Variants in PRKN observed in about 807,000 individuals in gnomAD.
The protein encoded by PRKN is parkin RBR E3 ubiquitin protein ligase.
Under a neutral mutation model 59.5 loss-of-function variants are expected in PRKN, and 56 were observed. The ratio of observed to expected loss-of-function variants is 0.94; its 90% CI spans 0.76 to 1.18. The LOEUF (loss-of-function observed/expected upper bound fraction) is 1.18, where lower values mean the gene tolerates loss of function less well. PRKN is among the 50% of genes most tolerant of loss of function. The pLI is 0.00. For missense variants in PRKN, 657 were observed against 596.4 expected (o/e 1.10, Z -1.06); for synonymous variants, 250 against 222.1 (o/e 1.13, Z -1.12).
Position 162,629,444 on chromosome 6 carries a change from T to C in PRKN, c.7+98218A>G, listed in dbSNP as rs573635423. 2.6e-5 allele frequency among the ~76,000 whole-genome samples: 4 copies of C among 151,554 alleles called. No homozygotes were observed. In the South Asian group the frequency reaches 6.2e-4, roughly 24 times the overall value. On this transcript the variant is annotated intron_variant, in intron 1 of 11. Coordinates refer to ENST00000366898, the MANE Select transcript of PRKN (RefSeq NM_004562.3). ...ATTTTATTCCTCTCTTCATACATTT[T>C]TGTTTTAACTATGTACAAAACAAGT...
intron 1 of PRKN, among the ~76,000 whole-genome samples, chr6:162,671,368 G>A (rs567579953): frequency 4.6e-5 from 7 of 151,948 alleles, no homozygotes; most frequent in East Asian, 3.9e-4. Flanking sequence ...GTGTGGTGGC[G>A]CGCGCCTGTA....
At chr6:162,373,209 G>A (rs933792736) in intron 2 of PRKN, among the ~76,000 whole-genome samples, 3 of 152,170 alleles carry the variant, frequency 2.0e-5, no homozygotes, top group Non-Finnish European at 4.4e-5. Context: ...CTTCAACGGA[G>A]CTTTCATGTA....
intron 2 of PRKN, among the ~76,000 whole-genome samples, chr6:162,359,245 G>C (rs1231704918): frequency 3.3e-5 from 5 of 151,808 alleles, no homozygotes. Flanking sequence ...GGAGGTGACT[G>C]ATTGAATAAA....
At position 162,680,199 on chromosome 6, in the gene PRKN, GAAGAA is replaced by G. The variant is rs566240217; in HGVS notation, c.7+47458_7+47462del. Among the ~76,000 whole-genome samples the G allele has an allele frequency of 1.2e-3, 177 of 150,496 alleles. 1 individual carries two copies. The highest frequency in any genetic ancestry group is 4.1e-3 in the African/African-American group (167 of 41,104). ...ATATATATACTAAATAATATTTGAG[GAAGAA>G]AAGAAATATATGTTTATATGTACTA... On this transcript the variant is annotated intron_variant, in intron 1 of 11. Coordinates refer to ENST00000366898, the MANE Select transcript of PRKN (RefSeq NM_004562.3).
At chr6:161,718,771 GCTTTTAAATCT>G (rs1364283256) in intron 7 of PRKN, among the ~76,000 whole-genome samples, 10 of 152,166 alleles carry the variant, frequency 6.6e-5, no homozygotes, top group African/African-American at 2.4e-4. Context: ...GGTGCAACTG[GCTTTTAAATCT>G]TCCTCCCGTT....
chr6:161,662,575 G>A (rs933936384), intron 7 of PRKN, among the ~76,000 whole-genome samples: 2 of 151,998 alleles, frequency 1.3e-5, no homozygotes, highest in African/African-American at 2.4e-5. Context: ...ACAGTGGCAC[G>A]TGGCAGTGGC....
intron 6 of PRKN, among the ~76,000 whole-genome samples, chr6:161,958,740 C>T (rs1436633057): frequency 1.3e-5 from 2 of 151,830 alleles, no homozygotes; most frequent in African/African-American, 4.8e-5. Flanking sequence ...ATTAGCTGGG[C>T]GTGGTGGTGG....
At chr6:162,620,074 G>A (rs1782601082) in intron 1 of PRKN, among the ~76,000 whole-genome samples, 1 of 151,746 alleles carries the variant, frequency 6.6e-6, no homozygotes, top group South Asian at 2.1e-4. Context: ...CTTTGCACGT[G>A]CATTCTGCTT....
intron 7 of PRKN, among the ~76,000 whole-genome samples, chr6:161,644,594 C>A (rs1320063053): frequency 6.6e-6 from 1 of 152,180 alleles, no homozygotes; most frequent in Non-Finnish European, 1.5e-5. Context: ...GGCGCCTGAC[C>A]TAGGCACTGC....
At chr6:161,708,217 G>A (rs976965057) in intron 7 of PRKN, among the ~76,000 whole-genome samples, 12 of 152,132 alleles carry the variant, frequency 7.9e-5, no homozygotes, top group African/African-American at 2.9e-4. Context: ...TATGTTTTTA[G>A]AAGCTTGTGA....
At chr6:161,850,706 A>G (rs545953428) in intron 6 of PRKN, among the ~76,000 whole-genome samples, 1 of 152,306 alleles carries the variant, frequency 6.6e-6, no homozygotes, top group Admixed American at 6.5e-5. Context: ...TTGAGACAAT[A>G]AGGGACTCAG....
chr6:162,497,069 A>G (rs989837451), intron 1 of PRKN, among the ~76,000 whole-genome samples: 4 of 152,206 alleles, frequency 2.6e-5, no homozygotes, highest in Middle Eastern at 3.2e-3. Flanking sequence ...TGTAATGGCT[A>G]ATTGTATAAA....
chr6:162,387,234 CAAAAAAAAA>C (rs34452454), intron 2 of PRKN, among the ~76,000 whole-genome samples: 3 of 101,216 alleles, frequency 3.0e-5, no homozygotes, highest in Non-Finnish European at 6.3e-5. Flanking sequence ...AAAAAATAAG[CAAAAAAAAA>C]AAAAAAAAAA....
chr6:162,051,495 C>T (rs182809610), intron 5 of PRKN, among the ~76,000 whole-genome samples: 28 of 152,296 alleles, frequency 1.8e-4, no homozygotes, highest in African/African-American at 6.7e-4. Flanking sequence ...GCACGCGCCT[C>T]CGCATCCTCG....
chr6:161,778,780 G>T (rs1053258222), intron 7 of PRKN, among the ~76,000 whole-genome samples: 5 of 152,170 alleles, frequency 3.3e-5, no homozygotes, highest in Non-Finnish European at 7.3e-5. Context: ...CCATCGTGTT[G>T]TCAGGGGCTG....
rs1241620278 is a variant in PRKN, at chr6:161,503,623, G to A, written c.1083+45231C>T. ...GCTATGGGGGCGACCTAGTCTAGCT[G>A]GGTTCTAAGGCAGTTGCTCTGCCCC... On this transcript the variant is annotated intron_variant, in intron 9 of 11. Coordinates refer to ENST00000366898, the MANE Select transcript of PRKN (RefSeq NM_004562.3). This position sits in a 1 kb window ranked among gnomAD's most constrained non-coding sequence, Gnocchi z 5.1. Among the ~76,000 whole-genome samples, 1 of 152,172 alleles carries A rather than the reference G, an allele frequency of 6.6e-6. No individual in the cohort carries two copies. Among genetic ancestry groups the A allele is most frequent in the Non-Finnish European group, 1.5e-5 (1 of 68,030 alleles).
At chr6:161,586,533 A>C (rs1781528797) in intron 7 of PRKN, among the ~76,000 whole-genome samples, 2 of 152,222 alleles carry the variant, frequency 1.3e-5, no homozygotes, top group Non-Finnish European at 2.9e-5. Context: ...AAACGAATCA[A>C]TCAATCAATA....
chr6:162,372,602 C>T (rs533545638), intron 2 of PRKN, among the ~76,000 whole-genome samples: 61 of 152,114 alleles, frequency 4.0e-4, no homozygotes, highest in Non-Finnish European at 7.2e-4. Context: ...ACTAACTATT[C>T]GGTGCTATGC....
At chr6:161,897,094 T>C (rs915979017) in intron 6 of PRKN, among the ~76,000 whole-genome samples, 2 of 152,208 alleles carry the variant, frequency 1.3e-5, no homozygotes, top group African/African-American at 2.4e-5. Context: ...ACTATCACTG[T>C]CTCTATCCCT....
Sources: allele counts gnomAD v4.1 joint callset (sites outside exome capture counted in the v4.1 genomes callset), GRCh38; gene constraint gnomAD v4.1.1; non-coding constraint Gnocchi (gnomAD v3.1); transcripts MANE v1.5; gene names NCBI Gene and HGNC (gene_info 2026-07-23, HGNC 2026-07-21).